The following KIF21A variants were observed in gnomAD, a reference collection of about 807,000 sequenced individuals.
The protein encoded by KIF21A is kinesin-like protein KIF21A.
KIF21A carries 114 observed loss-of-function variants against 202.9 expected under a neutral mutation model. The ratio of observed to expected loss-of-function variants is 0.56; its 90% confidence interval spans 0.48 to 0.66. The LOEUF is 0.66. Among genes scored for constraint, KIF21A ranks in the 30% least tolerant of loss-of-function variants. The pLI, the probability that KIF21A is intolerant of heterozygous loss-of-function variation, is 0.00. For missense variants in KIF21A, 1,677 were observed against 1,994.9 expected, an observed-to-expected ratio of 0.84 and a Z score of 3.04; for synonymous variants, 667 against 670.8, an observed-to-expected ratio of 0.99 and a Z score of 0.09.
chr12:39,350,830 T>C (rs1948312298), intron 11 of KIF21A, among the ~76,000 whole-genome samples: 1 of 152,022 alleles, frequency 6.6e-6, no homozygotes, highest in Non-Finnish European at 1.5e-5. Context: ...AACTGGCTGC[T>C]CCAGGAAGAA....
chr12:39,418,567 A>C (rs891923563), intron 1 of KIF21A, among the ~76,000 whole-genome samples: 2 of 152,212 alleles, frequency 1.3e-5, no homozygotes, highest in African/African-American at 2.4e-5. Flanking sequence ...AAAACTACAG[A>C]TGCAACAGAA....
chr12:39,310,682 C>A (rs1943941991), intron 32 of KIF21A, among the ~76,000 whole-genome samples: 1 of 152,032 alleles, frequency 6.6e-6, no homozygotes, highest in Non-Finnish European at 1.5e-5. Flanking sequence ...TCCAAACCAT[C>A]CTATACGGTA....
Position 39,317,517 on chromosome 12 carries a change from C to A in KIF21A, c.3908+556G>T, listed in dbSNP as rs183565824. On this transcript the variant is annotated intron_variant, in intron 29 of 37. Transcript: ENST00000361418. Reference sequence around the variant, plus strand: ...TTTCCACATCCCTCCAACTTCTCCACCCCTGCAACCCACTCCCAGTCCTAC... The same window carrying A: ...TTTCCACATCCCTCCAACTTCTCCAACCCTGCAACCCACTCCCAGTCCTAC... Among the ~76,000 whole-genome samples, 254 of 152,260 alleles carry A rather than the reference C, an allele frequency of 1.7e-3. 3 individuals carry two copies. The highest frequency in any genetic ancestry group is 3.1e-4 in the Non-Finnish European group (21 of 68,020).
rs749121235 is a variant in KIF21A at position 39,341,581 on chromosome 12, C to T, written c.1845G>A (p.Glu615=). 14 of 1,589,318 alleles carry T rather than the reference C, an allele frequency of 8.8e-6. No individual in the cohort carries two copies. The highest frequency in any genetic ancestry group is 9.5e-6 in the Non-Finnish European group (11 of 1,158,922). Residue 615 remains glutamate (E), a synonymous_variant, in exon 14 of 38, where the codon GAG becomes GAA. Coordinates refer to ENST00000361418, the MANE Select transcript of KIF21A (RefSeq NM_001173464.2). ...TGTCATCTTCCTCCTCCTCCTCCTC[C>T]TCTTCTTCATCCTCATGATCACTCA... ...QEVSDHEDEE[E]EEEEEEDDID... is the part of the protein sequence containing the mutation.
intron 7 of KIF21A, among the ~76,000 whole-genome samples, chr12:39,361,778 T>C (rs1949251378): frequency 6.6e-6 from 1 of 152,132 alleles, no homozygotes; most frequent in South Asian, 2.1e-4. Context: ...AGTGCTGGGA[T>C]CACAGGCATG....
intron 1 of KIF21A, among the ~76,000 whole-genome samples, chr12:39,409,633 A>T (rs1340336007): frequency 6.6e-6 from 1 of 152,108 alleles, no homozygotes; most frequent in Non-Finnish European, 1.5e-5. Context: ...CCCAGCCCCA[A>T]AATGGCCATG....
At chr12:39,365,203 C>A (rs1043124644) in intron 6 of KIF21A, among the ~76,000 whole-genome samples, 3 of 152,164 alleles carry the variant, frequency 2.0e-5, no homozygotes, top group Non-Finnish European at 4.4e-5. Flanking sequence ...AAACTGCAGT[C>A]TCTGAATTTT....
chr12:39,410,478 G>C (rs533767702), intron 1 of KIF21A, among the ~76,000 whole-genome samples: 67 of 152,274 alleles, frequency 4.4e-4, no homozygotes, highest in Non-Finnish European at 7.3e-4. Flanking sequence ...CATTATCATA[G>C]TTGCATAATG....
chr12:39,342,805 T>C (rs1419959400), intron 12 of KIF21A, among the ~76,000 whole-genome samples: 2 of 152,174 alleles, frequency 1.3e-5, no homozygotes, highest in Non-Finnish European at 2.9e-5. Flanking sequence ...TGCCGCAAGA[T>C]TCACCTTATA....
Position 39,416,813 on chromosome 12 carries a change from G to GTATATA in KIF21A, c.44+26113_44+26114insTATATA, listed in dbSNP as rs531554239. 1.4e-3 allele frequency among the ~76,000 whole-genome samples: 134 copies of GTATATA among 98,678 alleles called. 18 individuals carry two copies. Among genetic ancestry groups the GTATATA allele is most frequent in the South Asian group, 3.2e-3 (7 of 2,196 alleles). 64.7% of individuals were successfully genotyped at this position (98,678 alleles called of 152,430 possible). A position where few individuals can be genotyped will look rare whatever the true frequency, so the allele number is the denominator to read the frequency against. ...TGTATATATATGTACATATATATGT[G>GTATATA]TGTATATATGTACATATATGTGTAT... On this transcript the variant is annotated intron_variant, in intron 1 of 37. Coordinates refer to ENST00000361418, the MANE Select transcript of KIF21A (RefSeq NM_001173464.2).
chr12:39,364,309 G>C (rs995735655), intron 6 of KIF21A, among the ~76,000 whole-genome samples: 1 of 152,122 alleles, frequency 6.6e-6, no homozygotes, highest in Non-Finnish European at 1.5e-5. Flanking sequence ...ATAAGCAATG[G>C]TAATACTGAA....
At chr12:39,339,573 C>T (rs1233729788) in intron 16 of KIF21A, among the ~76,000 whole-genome samples, 1 of 152,088 alleles carries the variant, frequency 6.6e-6, no homozygotes, top group African/African-American at 2.4e-5. Context: ...TCCATATTTG[C>T]TATTTTATTG....
intron 4 of KIF21A, 124 bp downstream of exon 4, chr12:39,367,759 T>C (rs1949694833): frequency 1.3e-6 from 1 of 754,268 alleles, no homozygotes; most frequent in Non-Finnish European, 2.2e-6. Context: ...GAACACAAGA[T>C]CTTAATTCCA....
intron 17 of KIF21A, among the ~76,000 whole-genome samples, chr12:39,335,106 C>T (rs576168847): frequency 2.6e-5 from 4 of 152,082 alleles, no homozygotes; most frequent in Admixed American, 2.0e-4. Flanking sequence ...ATGGCTGAAC[C>T]TTGAAAACAT....
At chr12:39,301,013 T>C (rs1368161493) in intron 37 of KIF21A, among the ~76,000 whole-genome samples, 1 of 152,184 alleles carries the variant, frequency 6.6e-6, no homozygotes, top group Non-Finnish European at 1.5e-5. Flanking sequence ...GAAGATTCAT[T>C]GTGAATGAAC....
At chr12:39,300,449 T>C (rs1001584240) in intron 37 of KIF21A, among the ~76,000 whole-genome samples, 4 of 152,026 alleles carry the variant, frequency 2.6e-5, no homozygotes, top group African/African-American at 9.7e-5. Context: ...AGAAAGTCAA[T>C]GGAAACTGCA....
At chr12:39,423,410 C>T (rs1954468972) in intron 1 of KIF21A, among the ~76,000 whole-genome samples, 1 of 152,118 alleles carries the variant, frequency 6.6e-6, no homozygotes, top group African/African-American at 2.4e-5. Flanking sequence ...GCCTCATCCA[C>T]TGATCTCAAG....
intron 1 of KIF21A, among the ~76,000 whole-genome samples, chr12:39,393,734 C>T (rs576795123): frequency 6.6e-6 from 1 of 152,244 alleles, no homozygotes; most frequent in African/African-American, 2.4e-5. Flanking sequence ...TATTTCTGTG[C>T]TTGCAGTGGA....
chr12:39,432,057 C>A (rs1348945218), intron 1 of KIF21A, among the ~76,000 whole-genome samples: 3 of 152,314 alleles, frequency 2.0e-5, no homozygotes, highest in Admixed American at 2.0e-4. Context: ...GACTAACAGA[C>A]CAACACGCTA....
Sources: allele counts gnomAD v4.1 joint callset (sites outside exome capture counted in the v4.1 genomes callset), GRCh38; gene constraint gnomAD v4.1.1; transcripts MANE v1.5; gene names NCBI Gene and HGNC (gene_info 2026-07-23, HGNC 2026-07-21).